SYT9: variants seen among roughly 807,000 people sequenced by gnomAD.
SYT9 encodes the protein synaptotagmin-9.
SYT9 carries 22 observed loss-of-function variants against 48.4 expected under a neutral mutation model. The ratio of observed to expected loss-of-function variants is 0.45; its 90% CI spans 0.32 to 0.65. SYT9 has a LOEUF of 0.65. SYT9 is among the 30% of genes least tolerant of loss of function. The pLI, the probability that SYT9 is intolerant of heterozygous loss-of-function variation, is 0.03. For missense variants in SYT9, 577 were observed against 622.0 expected (o/e 0.93, Z 0.77); for synonymous variants, 265 against 245.0 (o/e 1.08, Z -0.76).
chr11:7,334,280 G>A (rs906514817), intron 3 of SYT9, among the ~76,000 whole-genome samples: 3 of 152,144 alleles, frequency 2.0e-5, no homozygotes, highest in Admixed American at 6.5e-5. Context: ...GTCTTTATGA[G>A]TAATTTTGGG....
intron 3 of SYT9, among the ~76,000 whole-genome samples, chr11:7,365,490 T>C (rs981980491): frequency 1.3e-5 from 2 of 152,190 alleles, no homozygotes; most frequent in African/African-American, 4.8e-5. Context: ...TTATATGGAC[T>C]TCTGAGCAAA....
At chr11:7,339,025 C>T (rs549516288) in intron 3 of SYT9, among the ~76,000 whole-genome samples, 4 of 151,988 alleles carry the variant, frequency 2.6e-5, no homozygotes, top group Non-Finnish European at 5.9e-5. Context: ...TCTGGGTGCT[C>T]CTGTGTTGGA....
intron 3 of SYT9, among the ~76,000 whole-genome samples, chr11:7,342,065 A>G (rs1849723460): frequency 6.6e-6 from 1 of 152,090 alleles, no homozygotes; most frequent in Admixed American, 6.6e-5. Context: ...TGATTCAATT[A>G]TCTCCCACCA....
At chr11:7,338,285 G>A (rs1247300185) in intron 3 of SYT9, among the ~76,000 whole-genome samples, 1 of 151,846 alleles carries the variant, frequency 6.6e-6, no homozygotes, top group Non-Finnish European at 1.5e-5. Flanking sequence ...ATTATTATTA[G>A]CTTTTTCAAA....
Position 7,361,782 on chromosome 11 carries a change from G to A in SYT9, c.1044+47841G>A, listed in dbSNP as rs1184711522. Among the ~76,000 whole-genome samples the A allele has an allele frequency of 3.4e-4, 52 of 152,158 alleles. 1 individual carries two copies. Among genetic ancestry groups the A allele is most frequent in the Admixed American group, 3.4e-3 (52 of 15,274 alleles). On this transcript the variant is annotated intron_variant, in intron 3 of 6. Transcript: ENST00000318881. The stretch of plus-strand genomic sequence containing the variant: ...ATGTTGTGGAAAATCAACTAGAGTG[G>A]CTTAGTAAAAGAATTACATTTTTCT...
Position 7,416,109 on chromosome 11 carries a change from T to C in SYT9, c.1112T>C (p.Ile371Thr), listed in dbSNP as rs1384430651. ...CYLPTAGRLT[I>T]TIIKARNLKA... ...CTTCCAACGGCTGGCAGGCTGACCA[T>C]TACCATTATAAAAGCAAGGAATTTA... The change falls in exon 4 of 7, where the codon ATT becomes ACT. Residue 371 changes from isoleucine (I) to threonine (T), a missense_variant. By Grantham distance (89) the Ile-to-Thr change is moderately conservative (BLOSUM62 -1). Transcript: ENST00000318881. 2 of 1,614,024 alleles carry C rather than the reference T, an allele frequency of 1.2e-6. No homozygotes were observed. Among genetic ancestry groups the C allele is most frequent in the African/African-American group, 1.3e-5 (1 of 74,912 alleles).
At chr11:7,344,220 A>G (rs1347751171) in intron 3 of SYT9, among the ~76,000 whole-genome samples, 1 of 152,032 alleles carries the variant, frequency 6.6e-6, no homozygotes, top group Non-Finnish European at 1.5e-5. Context: ...CAGTTCCCCT[A>G]GTCTCTCTTC....
At chr11:7,390,562 A>G (rs573707372) in intron 3 of SYT9, among the ~76,000 whole-genome samples, 43 of 152,346 alleles carry the variant, frequency 2.8e-4, no homozygotes, top group Admixed American at 4.6e-4. Flanking sequence ...AAGAAACCAT[A>G]TGTAAAATAA....
Position 7,391,735 on chromosome 11 carries a change from TAAAAAAAAA to T in SYT9, c.1045-24285_1045-24277del, listed in dbSNP as rs71059104. 1.7e-3 allele frequency among the ~76,000 whole-genome samples: 62 copies of T among 35,944 alleles called. 2 individuals carry two copies. The highest frequency in any genetic ancestry group is 0.02 in the Middle Eastern group (1 of 50). The allele number at this position is 35,944 out of a possible 152,430, so 23.6% of individuals were successfully genotyped here. On this transcript the variant is annotated intron_variant, in intron 3 of 6. Coordinates refer to ENST00000318881, the MANE Select transcript of SYT9 (RefSeq NM_175733.4). Reference sequence around the variant, plus strand: ...GGACAACATGGTAAAACCCCATCTCTAAAAAAAAAAAAAAAAAAAAAAAAAAAAAACCTA... The same window carrying T: ...GGACAACATGGTAAAACCCCATCTCTAAAAAAAAAAAAAAAAAAAAACCTA...
At chr11:7,465,412 T>C (rs1057248946) in intron 6 of SYT9, among the ~76,000 whole-genome samples, 1 of 152,272 alleles carries the variant, frequency 6.6e-6, no homozygotes, top group Non-Finnish European at 1.5e-5. Context: ...TGGTTGCTAC[T>C]CTTTTATAGT....
intron 6 of SYT9, chr11:7,453,921 T>G (rs57972851): frequency 0.31 from 281,255 of 900,766 alleles, 45,354 homozygotes; most frequent in African/African-American, 0.49. Flanking sequence ...TCAGTCGCCC[T>G]CCTCAGGAGC....
intron 1 of SYT9, among the ~76,000 whole-genome samples, chr11:7,258,130 A>G (rs1295824487): frequency 2.6e-5 from 4 of 152,146 alleles, no homozygotes; most frequent in African/African-American, 9.6e-5. Flanking sequence ...TGCAAGTGCA[A>G]TTTCCCATAT....
At chr11:7,340,795 A>G (rs1334199422) in intron 3 of SYT9, among the ~76,000 whole-genome samples, 1 of 152,232 alleles carries the variant, frequency 6.6e-6, no homozygotes, top group Non-Finnish European at 1.5e-5. Context: ...CAGAGCTATT[A>G]CTGGCTCAGT....
intron 1 of SYT9, among the ~76,000 whole-genome samples, chr11:7,296,644 A>C (rs998095807): frequency 1.3e-5 from 2 of 152,188 alleles, no homozygotes; most frequent in African/African-American, 4.8e-5. Context: ...GTTTCACAGG[A>C]ATATTATCTT....
chr11:7,462,696 T>G (rs1590046981), intron 6 of SYT9, among the ~76,000 whole-genome samples: 1 of 152,242 alleles, frequency 6.6e-6, no homozygotes, highest in Non-Finnish European at 1.5e-5. Context: ...TTGTGCTTTT[T>G]AAATAAAATT....
At position 7,252,628 on chromosome 11, in the gene SYT9, C is replaced by G. The variant is rs1216519539; in HGVS notation, c.145+297C>G. Among the ~76,000 whole-genome samples the G allele has an allele frequency of 1.3e-5, 2 of 152,346 alleles. No homozygotes were observed. Among genetic ancestry groups the G allele is most frequent in the African/African-American group, 2.4e-5 (1 of 41,596 alleles). On this transcript the variant is annotated intron_variant, in intron 1 of 6. Transcript: ENST00000318881. This position sits in a 1 kb window ranked among gnomAD's most constrained non-coding sequence, Gnocchi z 6.3. ...GCTCCTGGGGGCGGCTCCCTAGCTC[C>G]GAGCTACGCTCTCCACTTCCCGGGC...
At chr11:7,291,533 A>G (rs1363782886) in intron 1 of SYT9, among the ~76,000 whole-genome samples, 3 of 152,188 alleles carry the variant, frequency 2.0e-5, no homozygotes, top group Non-Finnish European at 4.4e-5. Context: ...ATTGCTCCCA[A>G]CAGCTCACCA....
chr11:7,369,184 G>A (rs891723494), intron 3 of SYT9, among the ~76,000 whole-genome samples: 1 of 152,142 alleles, frequency 6.6e-6, no homozygotes, highest in Admixed American at 6.5e-5. Flanking sequence ...TCTAACTGGC[G>A]TGAGATGGTA....
chr11:7,252,313 C>A lies in SYT9; in HGVS notation c.127C>A (p.Pro43Thr). 3 of 1,498,470 alleles carry A rather than the reference C, an allele frequency of 2.0e-6. No homozygotes were observed. Among genetic ancestry groups the A allele is most frequent in the Non-Finnish European group, 2.7e-6 (3 of 1,122,830 alleles). 92.8% of individuals were successfully genotyped at this position (1,498,470 alleles called of 1,614,324 possible). A position where few individuals can be genotyped will look rare whatever the true frequency, so the allele number is the denominator to read the frequency against. The part of the protein sequence containing the change: ...FIYHLRDRAR[P>T]RLRDPDISVS... ...TTACCACCTGCGGGACCGTGCCAGA[C>A]CCCGGCTCCGCGACCCAGGTGAGTG... The change falls in exon 1 of 7, where the codon CCC becomes ACC. Residue 43 changes from proline to threonine, a missense_variant. Physicochemically the swap from Pro to Thr is conservative, Grantham distance 38. Coordinates refer to ENST00000318881, the MANE Select transcript of SYT9 (RefSeq NM_175733.4). The surrounding 1 kb of genome is among the most constrained non-coding windows in gnomAD (Gnocchi z 6.3).
Sources: gnomAD v4.1 joint callset for allele counts (sites outside exome capture counted in the v4.1 genomes callset) on GRCh38, gnomAD v4.1.1 for gene constraint, Gnocchi (gnomAD v3.1) non-coding constraint, MANE v1.5 for transcripts, NCBI Gene and HGNC (gene_info 2026-07-23, HGNC 2026-07-21) for gene names.